Variants in RFC3 observed in about 807,000 individuals in gnomAD.
The protein encoded by RFC3 is replication factor C subunit 3, also known as A1 38 kDa subunit.
RFC3 carries 41 observed loss-of-function variants against 45.1 expected under a neutral mutation model. That is an observed-to-expected ratio of 0.91 (90% CI 0.71 to 1.18). The LOEUF (loss-of-function observed/expected upper bound fraction) is 1.18, where lower values mean the gene tolerates loss of function less well. RFC3 is among the 50% of genes most tolerant of loss of function. RFC3 has a pLI of 0.00. For missense variants in RFC3, 423 were observed against 428.1 expected (o/e 0.99, Z 0.10); for synonymous variants, 149 against 144.0 (o/e 1.03, Z -0.25).
At chr13:33,955,960 C>T (rs554994392) in intron 8 of RFC3, among the ~76,000 whole-genome samples, 1 of 152,280 alleles carries the variant, frequency 6.6e-6, no homozygotes, top group Admixed American at 6.5e-5. Flanking sequence ...AATAATGCAT[C>T]TCTCAAAATA....
intron 8 of RFC3, among the ~76,000 whole-genome samples, chr13:33,882,507 C>T (rs1162306894): frequency 6.6e-6 from 1 of 152,132 alleles, no homozygotes; most frequent in Non-Finnish European, 1.5e-5. Flanking sequence ...GGGATTAGTG[C>T]CCTTATAAGA....
At chr13:33,827,983 G>A (rs566715568) in intron 4 of RFC3, among the ~76,000 whole-genome samples, 4 of 151,364 alleles carry the variant, frequency 2.6e-5, no homozygotes. Flanking sequence ...AACAAGACCC[G>A]ATCTTGCCAA....
At chr13:33,878,075 A>T (rs2082459697) in intron 8 of RFC3, among the ~76,000 whole-genome samples, 1 of 152,018 alleles carries the variant, frequency 6.6e-6, no homozygotes, top group South Asian at 2.1e-4. Context: ...TATTAGGGGC[A>T]ATATATGCAT....
chr13:33,874,331 T>G (rs555488473), intron 8 of RFC3, among the ~76,000 whole-genome samples: 2 of 152,200 alleles, frequency 1.3e-5, no homozygotes, highest in Admixed American at 1.3e-4. Context: ...TTGTTGTTGT[T>G]TTTTGGGACA....
At chr13:33,935,139 T>G (rs111325441) in intron 8 of RFC3, among the ~76,000 whole-genome samples, 1 of 152,308 alleles carries the variant, frequency 6.6e-6, no homozygotes, top group African/African-American at 2.4e-5. Flanking sequence ...CTTGAGATTT[T>G]TTTTTTCAAA....
intron 8 of RFC3, among the ~76,000 whole-genome samples, chr13:33,959,748 C>T (rs1379098734): frequency 1.3e-5 from 2 of 152,122 alleles, no homozygotes; most frequent in Non-Finnish European, 2.9e-5. Context: ...ATACCTTGCA[C>T]CCATTTCCTG....
intron 8 of RFC3, among the ~76,000 whole-genome samples, chr13:33,869,335 A>G (rs2082393153): frequency 6.6e-6 from 1 of 151,940 alleles, no homozygotes; most frequent in Non-Finnish European, 1.5e-5. Context: ...ATAACATTTG[A>G]TTTCCATCTA....
chr13:33,899,037 A>G (rs963882570), intron 8 of RFC3, among the ~76,000 whole-genome samples: 11 of 151,642 alleles, frequency 7.3e-5, no homozygotes, highest in Non-Finnish European at 1.5e-4. Flanking sequence ...ATAAAAGTAT[A>G]TGACCTCATG....
At chr13:33,884,421 A>G (rs1019077291) in intron 8 of RFC3, among the ~76,000 whole-genome samples, 1 of 152,208 alleles carries the variant, frequency 6.6e-6, no homozygotes, top group Non-Finnish European at 1.5e-5. Flanking sequence ...ATCTAGCCTG[A>G]TTTAGAAGAG....
intron 8 of RFC3, among the ~76,000 whole-genome samples, chr13:33,956,352 T>A (rs901683397): frequency 6.6e-6 from 1 of 152,198 alleles, no homozygotes; most frequent in African/African-American, 2.4e-5. Context: ...TGAGACGTAA[T>A]CACAGCAGTG....
chr13:33,847,808 A>G (rs892329430), intron 8 of RFC3: 3 of 152,236 alleles, frequency 2.0e-5, no homozygotes, highest in African/African-American at 2.4e-5. Context: ...CTCTGTATCC[A>G]GTGAACTTTT....
chr13:33,940,723 T>C (rs1350654280), intron 8 of RFC3, among the ~76,000 whole-genome samples: 4 of 152,192 alleles, frequency 2.6e-5, no homozygotes, highest in Non-Finnish European at 5.9e-5. Context: ...TTTCATCAAT[T>C]CTCTGATCAT....
downstream of RFC3, among the ~76,000 whole-genome samples, chr13:33,842,230 A>G (rs1391516351): frequency 6.6e-6 from 1 of 151,996 alleles, no homozygotes; most frequent in Non-Finnish European, 1.5e-5. Flanking sequence ...TGAAGCTGCA[A>G]TGGGCTATGA....
rs185184384 is a variant in RFC3, at chr13:33,873,598, G to T, written c.879+38381G>T. On this transcript the variant is annotated intron_variant, in intron 8 of 8. Transcript: ENST00000434425. ...GAGGATATGTTTAACTTTTGGTTTTGCAAAGGGACATGAAAGCAGGCACTC... is the reference window on the plus strand; with the variant it reads ...GAGGATATGTTTAACTTTTGGTTTTTCAAAGGGACATGAAAGCAGGCACTC... Among the ~76,000 whole-genome samples the T allele has an allele frequency of 2.6e-3, 395 of 152,270 alleles. 8 individuals carry two copies. Among genetic ancestry groups the T allele is most frequent in the Non-Finnish European group, 3.2e-4 (22 of 68,022 alleles).
downstream of RFC3, among the ~76,000 whole-genome samples, chr13:33,838,773 C>A (rs2082176351): frequency 6.6e-6 from 1 of 152,152 alleles, no homozygotes; most frequent in South Asian, 2.1e-4. Context: ...TGTACTGTTA[C>A]ACTTTTCCCT....
At position 33,821,202 on chromosome 13, in the gene RFC3, T is replaced by C; in HGVS notation, c.158T>C (p.Met53Thr). The change falls in exon 2 of 9, where the codon ATG becomes ACG. Residue 53 changes from methionine to threonine, a missense_variant. Coordinates refer to ENST00000380071, the MANE Select transcript of RFC3 (RefSeq NM_002915.4). ...GGTGCTGGAAAAAAGACAAGAATTA[T>C]GTGTATTCTACGTGAACTTTATGGT... The part of the protein sequence containing the change: ...PSGAGKKTRI[M>T]CILRELYGVG... 6.2e-7 allele frequency: 1 copy of C among 1,613,698 alleles called. No homozygotes were observed. The highest frequency in any genetic ancestry group is 8.5e-7 in the Non-Finnish European group (1 of 1,179,650).
intron 1 of RFC3, among the ~76,000 whole-genome samples, chr13:33,819,197 T>A (rs1010423458): frequency 6.6e-6 from 1 of 152,126 alleles, no homozygotes; most frequent in African/African-American, 2.4e-5. Flanking sequence ...TGGCTGAGAT[T>A]AGAGCTTTGT....
At chr13:33,837,764 T>C (rs1304513139), downstream of RFC3, among the ~76,000 whole-genome samples, 4 of 152,080 alleles carry the variant, frequency 2.6e-5, no homozygotes, top group African/African-American at 9.7e-5. Context: ...CTTATTTTTC[T>C]AGGTTATGTA....
At chr13:33,828,854 T>G (rs2082075856) in intron 4 of RFC3, among the ~76,000 whole-genome samples, 1 of 152,194 alleles carries the variant, frequency 6.6e-6, no homozygotes, top group Non-Finnish European at 1.5e-5. Flanking sequence ...GCTTTCAAAT[T>G]GGCCGCACCA....
Sources: gnomAD v4.1 joint callset for allele counts (sites outside exome capture counted in the v4.1 genomes callset) on GRCh38, gnomAD v4.1.1 for gene constraint, MANE v1.5 for transcripts, NCBI Gene and HGNC (gene_info 2026-07-23, HGNC 2026-07-21) for gene names.